Variants in DPP10 observed in about 807,000 individuals in gnomAD.
DPP10 encodes the protein inactive dipeptidyl peptidase 10.
DPP10 carries 33 observed loss-of-function variants against 120.9 expected under a neutral mutation model. The observed-to-expected ratio is 0.27, with a 90% CI of 0.21 to 0.37. DPP10 has a LOEUF of 0.37. Ranked by LOEUF, DPP10 falls within the 10% of genes least tolerant of loss-of-function variation. The pLI is 1.00. For synonymous variants in DPP10, 337 were observed against 326.1 expected (o/e 1.03, Z -0.36); for missense variants, 816 against 942.8 (o/e 0.87, Z 1.76).
intron 1 of DPP10, among the ~76,000 whole-genome samples, chr2:115,025,419 T>A (rs1452737753): frequency 6.6e-6 from 1 of 152,168 alleles, no homozygotes; most frequent in Non-Finnish European, 1.5e-5. Context: ...GACACTTAAG[T>A]TGATTCCCTT....
intron 1 of DPP10, among the ~76,000 whole-genome samples, chr2:114,770,721 A>C (rs1032229485): frequency 6.6e-6 from 1 of 152,202 alleles, no homozygotes; most frequent in African/African-American, 2.4e-5. Context: ...TTTGGCCTTG[A>C]ACAGTAATGC....
rs1331129589 is a variant in DPP10 at position 115,715,054 on chromosome 2, G to T, written c.577-12762G>T. ...AAAAAAAAAAAAAAAAAAAAATTAT[G>T]AAAAGCCAGGCGCAGTGGCTCATGC... is the stretch of plus-strand genomic sequence containing the variant. On this transcript the variant is annotated intron_variant, in intron 7 of 25. Transcript: ENST00000410059. Among the ~76,000 whole-genome samples, 36 of 133,700 alleles carry T rather than the reference G, an allele frequency of 2.7e-4. 2 individuals carry two copies. Among genetic ancestry groups the T allele is most frequent in the Admixed American group, 1.9e-3 (25 of 12,830 alleles). The allele number at this position is 133,700 out of a possible 152,430, so 87.7% of individuals were successfully genotyped here.
At chr2:115,560,436 A>G (rs1380227442) in intron 5 of DPP10, among the ~76,000 whole-genome samples, 7 of 98,656 alleles carry the variant, frequency 7.1e-5, no homozygotes, top group African/African-American at 2.7e-4. Context: ...ATATATATAT[A>G]TATATATATA....
chr2:115,595,857 A>G (rs1450825793), intron 5 of DPP10, among the ~76,000 whole-genome samples: 1 of 152,108 alleles, frequency 6.6e-6, no homozygotes, highest in East Asian at 1.9e-4. Flanking sequence ...CATGTTTTTT[A>G]TAACCTTTTT....
intron 3 of DPP10, among the ~76,000 whole-genome samples, chr2:115,375,949 C>T (rs2106428438): frequency 6.6e-6 from 1 of 152,290 alleles, no homozygotes; most frequent in South Asian, 2.1e-4. Flanking sequence ...AAGGTGGGGA[C>T]ACAGAACCAA....
chr2:114,652,065 T>C (rs555945129), intron 1 of DPP10, among the ~76,000 whole-genome samples: 27 of 152,044 alleles, frequency 1.8e-4, no homozygotes, highest in Middle Eastern at 3.4e-3. Flanking sequence ...GGTCAGTGCG[T>C]GCAAGGGATG....
chr2:114,777,820 G>T (rs1051401847), intron 1 of DPP10, among the ~76,000 whole-genome samples: 2 of 152,052 alleles, frequency 1.3e-5, no homozygotes, highest in Non-Finnish European at 2.9e-5. Flanking sequence ...GAACCAAGAT[G>T]CTTTATAGTA....
rs909978592 is a variant in DPP10 at position 114,589,473 on chromosome 2, A to T, written c.60+146635A>T. ...GTCATTGATTATGTTTTTGTCATGC[A>T]TGTGTTTTGAGCTCCTTTTCCATAA... is the stretch of plus-strand genomic sequence containing the variant. On this transcript the variant is annotated intron_variant, in intron 1 of 25. Coordinates refer to ENST00000410059, the MANE Select transcript of DPP10 (RefSeq NM_020868.6). Among the ~76,000 whole-genome samples the T allele has an allele frequency of 2.6e-5, 4 of 152,316 alleles. No homozygotes were observed. In the South Asian group the frequency reaches 8.3e-4, roughly 32 times the overall value.
chr2:114,608,755 G>T (rs1349377811), intron 1 of DPP10, among the ~76,000 whole-genome samples: 2 of 151,858 alleles, frequency 1.3e-5, no homozygotes, highest in Non-Finnish European at 2.9e-5. Flanking sequence ...GAATGCAGTT[G>T]GCGGGCATTA....
At chr2:114,761,725 T>C (rs1471364105) in intron 1 of DPP10, among the ~76,000 whole-genome samples, 1 of 152,152 alleles carries the variant, frequency 6.6e-6, no homozygotes, top group Non-Finnish European at 1.5e-5. Context: ...CACTGGCTCC[T>C]TACCAGCCAA....
At chr2:114,815,796 T>G (rs1172677255) in intron 1 of DPP10, among the ~76,000 whole-genome samples, 2 of 152,086 alleles carry the variant, frequency 1.3e-5, no homozygotes, top group African/African-American at 2.4e-5. Flanking sequence ...ATTTTTCAAG[T>G]AGTAGCCAGC....
intron 1 of DPP10, among the ~76,000 whole-genome samples, chr2:115,117,923 T>C (rs1164996663): frequency 6.6e-6 from 1 of 152,170 alleles, no homozygotes; most frequent in Non-Finnish European, 1.5e-5. Context: ...TGGATGAACA[T>C]CTAAGAGGGA....
intron 5 of DPP10, among the ~76,000 whole-genome samples, chr2:115,581,947 T>G (rs2082024585): frequency 2.0e-5 from 3 of 152,078 alleles, no homozygotes; most frequent in Non-Finnish European, 4.4e-5. Flanking sequence ...CTTGCCTTCT[T>G]TGAGGAAAGA....
chr2:115,436,365 T>G (rs1342817323), intron 3 of DPP10, among the ~76,000 whole-genome samples: 1 of 150,600 alleles, frequency 6.6e-6, no homozygotes, highest in Admixed American at 6.7e-5. Context: ...TATCATTAAC[T>G]CTTTTAAATC....
At chr2:114,726,081 A>G (rs1158984069) in intron 1 of DPP10, among the ~76,000 whole-genome samples, 1 of 151,950 alleles carries the variant, frequency 6.6e-6, no homozygotes, top group Non-Finnish European at 1.5e-5. Flanking sequence ...AAATACAAAA[A>G]AAAATTTAGC....
chr2:114,550,438 G>A (rs1459254152), intron 1 of DPP10, among the ~76,000 whole-genome samples: 1 of 152,228 alleles, frequency 6.6e-6, no homozygotes, highest in East Asian at 1.9e-4. Flanking sequence ...GAGAGGTTCA[G>A]TGATTTTCCA....
intron 1 of DPP10, among the ~76,000 whole-genome samples, chr2:115,133,123 G>GTA (rs1253725141): frequency 2.2e-5 from 1 of 45,442 alleles, no homozygotes; most frequent in Non-Finnish European, 4.1e-5. Context: ...GTATGTGTGT[G>GTA]TGTGTGTGTG....
chr2:114,995,169 C>T (rs1482238362), intron 1 of DPP10, among the ~76,000 whole-genome samples: 4 of 152,206 alleles, frequency 2.6e-5, no homozygotes, highest in South Asian at 2.1e-4. Context: ...ATGAAGGACA[C>T]GTGGAGCACA....
intron 3 of DPP10, among the ~76,000 whole-genome samples, chr2:115,418,787 A>T (rs2069667734): frequency 6.6e-6 from 1 of 152,022 alleles, no homozygotes; most frequent in Admixed American, 6.6e-5. Flanking sequence ...ACACAGAAAA[A>T]ATAATTAATT....
Sources: allele counts gnomAD v4.1 joint callset (sites outside exome capture counted in the v4.1 genomes callset), GRCh38; gene constraint gnomAD v4.1.1; transcripts MANE v1.5; gene names NCBI Gene and HGNC (gene_info 2026-07-23, HGNC 2026-07-21).